SLC5A11: variants seen among roughly 807,000 people sequenced by gnomAD.
The protein encoded by SLC5A11 is solute carrier family 5 member 11, also known as sodium/myo-inositol cotransporter 2.
Under a neutral mutation model 69.8 loss-of-function variants are expected in SLC5A11, and 48 were observed. That is an observed-to-expected ratio of 0.69 (90% confidence interval 0.55 to 0.87). The LOEUF is 0.87. SLC5A11 is among the 40% of genes least tolerant of loss of function. The pLI is 0.00. For synonymous variants in SLC5A11, 319 were observed against 342.4 expected, an observed-to-expected ratio of 0.93 and a Z score of 0.75; for missense variants, 784 against 866.1, an observed-to-expected ratio of 0.91 and a Z score of 1.19.
intron 1 of SLC5A11, among the ~76,000 whole-genome samples, chr16:24,847,385 C>G (rs2059074415): frequency 6.7e-6 from 1 of 148,540 alleles, no homozygotes; most frequent in Non-Finnish European, 1.5e-5. Context: ...TCTTTGCCTC[C>G]TCTCTCTCTC....
chr16:24,887,706 G>C lies in SLC5A11; in HGVS notation c.665-3163G>C, dbSNP rs141408083. Reference sequence around the variant, plus strand: ...GGCTTCTTATAAGCAGTTACAATCTGTGTGGCTGTTTGTTCTGTTTTTCTC... The same window carrying C: ...GGCTTCTTATAAGCAGTTACAATCTCTGTGGCTGTTTGTTCTGTTTTTCTC... On this transcript the variant is annotated intron_variant, in intron 8 of 15. Transcript: ENST00000347898. Among the ~76,000 whole-genome samples the C allele has an allele frequency of 4.3e-3, 657 of 152,210 alleles. 2 individuals are homozygous for C. Among genetic ancestry groups the C allele is most frequent in the African/African-American group, 0.015 (625 of 41,560 alleles).
intron 4 of SLC5A11, 53 bp downstream of exon 5, chr16:24,870,058 GATCTC>G: frequency 1.9e-5 from 24 of 1,288,734 alleles, no homozygotes; most frequent in Non-Finnish European, 2.4e-5. Flanking sequence ...CTAACAGGTA[GATCTC>G]AGGGGAAAGT....
chr16:24,860,124 A>G lies in SLC5A11; in HGVS notation c.135+1346A>G, dbSNP rs1421159883. Among the ~76,000 whole-genome samples the G allele has an allele frequency of 2.0e-5, 3 of 152,172 alleles. No individual in the cohort carries two copies. In the East Asian group the frequency reaches 5.8e-4, roughly 29 times the overall value. On this transcript the variant is annotated intron_variant, in intron 2 of 15. Transcript: ENST00000347898. Reference sequence around the variant, plus strand: ...AATGTGGTGAAACCCCATCACTATTAAAAATACAAAAAATTAGCCAGGTGT... The same window carrying G: ...AATGTGGTGAAACCCCATCACTATTGAAAATACAAAAAATTAGCCAGGTGT...
chr16:24,903,867 T>G (rs1257356839), intron 10 of SLC5A11, among the ~76,000 whole-genome samples: 1 of 152,208 alleles, frequency 6.6e-6, no homozygotes, highest in African/African-American at 2.4e-5. Context: ...TTGCTTTGGA[T>G]ATGTATTAAT....
exon 5 of SLC5A11, chr16:24,872,191 T>A: frequency 6.2e-7 from 1 of 1,614,182 alleles, no homozygotes; most frequent in Non-Finnish European, 8.5e-7. Context: ...TTGGCCTGGA[T>A]CTTCCTACCC....
exon 8 of SLC5A11, chr16:24,884,072 A>G (rs753735103): frequency 1.9e-6 from 3 of 1,613,974 alleles, no homozygotes; most frequent in South Asian, 2.2e-5. Context: ...GCTGTGATCT[A>G]CACGGATGCC....
chr16:24,862,950 C>T (rs11646263), intron 3 of SLC5A11, among the ~76,000 whole-genome samples: 4 of 130,782 alleles, frequency 3.1e-5, no homozygotes, highest in Non-Finnish European at 6.5e-5. Context: ...AAATATATAA[C>T]ATATAATTAT....
At chr16:24,905,640 G>GCGCGCGCGCACACA (rs1443035551) in intron 10 of SLC5A11, among the ~76,000 whole-genome samples, 17 of 136,778 alleles carry the variant, frequency 1.2e-4, no homozygotes, top group Non-Finnish European at 2.5e-4. Flanking sequence ...GCGCGCGCGC[G>GCGCGCGCGCACACA]CACACACACA....
At chr16:24,865,816 A>G (rs2046881840) in intron 3 of SLC5A11, among the ~76,000 whole-genome samples, 1 of 152,064 alleles carries the variant, frequency 6.6e-6, no homozygotes, top group Non-Finnish European at 1.5e-5. Context: ...ACTTGAGTCT[A>G]CATGAAAAAA....
intron 2 of SLC5A11, 89 bp downstream of exon 3, chr16:24,858,867 A>T: frequency 6.9e-7 from 1 of 1,452,926 alleles, no homozygotes. Flanking sequence ...TTTGGAGCTA[A>T]GATACTGACT....
intron 10 of SLC5A11, among the ~76,000 whole-genome samples, chr16:24,904,564 G>A (rs76379431): frequency 0.052 from 7,913 of 152,028 alleles, 719 homozygotes; most frequent in African/African-American, 0.18. Flanking sequence ...TCCACTAGAA[G>A]GTTGAGAACC....
intron 5 of SLC5A11, among the ~76,000 whole-genome samples, chr16:24,874,935 T>A (rs1180375687): frequency 1.3e-5 from 2 of 152,124 alleles, no homozygotes; most frequent in Non-Finnish European, 2.9e-5. Context: ...CCATTTGGAT[T>A]TCCTCTTTGA....
chr16:24,869,512 G>A (rs1367369761), intron 3 of SLC5A11, among the ~76,000 whole-genome samples: 2 of 152,076 alleles, frequency 1.3e-5, no homozygotes, highest in African/African-American at 4.8e-5. Context: ...CAGATCTGGG[G>A]GAGTAACACA....
chr16:24,854,533 G>A (rs895951447), intron 1 of SLC5A11, among the ~76,000 whole-genome samples: 8 of 151,862 alleles, frequency 5.3e-5, no homozygotes, highest in East Asian at 1.9e-4. Context: ...GGGTTCAAGC[G>A]ATCTTTCTGC....
At chr16:24,880,300 G>A (rs541368453) in intron 7 of SLC5A11, among the ~76,000 whole-genome samples, 49 of 152,256 alleles carry the variant, frequency 3.2e-4, no homozygotes, top group African/African-American at 1.1e-3. Flanking sequence ...TGATGGAGCC[G>A]GAGAGAAAGA....
chr16:24,870,075 G>T, intron 4 of SLC5A11, 70 bp downstream of exon 5: 2 of 1,096,018 alleles, frequency 1.8e-6, no homozygotes, highest in Non-Finnish European at 1.4e-6. Flanking sequence ...GGGGAAAGTT[G>T]TGTGAATGCC....
intron 5 of SLC5A11, among the ~76,000 whole-genome samples, chr16:24,874,581 CAG>C (rs2047547262): frequency 6.6e-6 from 1 of 152,184 alleles, no homozygotes; most frequent in African/African-American, 2.4e-5. Context: ...TTTTTTGAGA[CAG>C]AGTCTTGCTC....
At chr16:24,852,303 T>G (rs1249270553) in intron 1 of SLC5A11, among the ~76,000 whole-genome samples, 1 of 152,186 alleles carries the variant, frequency 6.6e-6, no homozygotes. Context: ...GATCTTTTCC[T>G]TGCACTGGGG....
chr16:24,908,960 G>A lies in SLC5A11; in HGVS notation c.1514G>A (p.Arg505Gln), dbSNP rs373228519. The change falls in exon 14 of 16, where the codon CGA becomes CAA. Residue 505 changes from arginine (R) to glutamine (Q), a missense_variant. Physicochemically the swap from Arg to Gln is conservative, Grantham distance 43. This residue lies in a region of SLC5A11 where 550 missense variants were observed against 606.4 expected (regional missense o/e 0.91). Coordinates refer to ENST00000347898, the Ensembl canonical transcript of SLC5A11. ...CTGGACTTTATTTACGTGCAGCCTC[G>A]ATGCGACCAGCCAGATGAGCGCCCG... is the stretch of plus-strand genomic sequence containing the variant. The A allele has an allele frequency of 3.4e-5, 55 of 1,613,884 alleles. No individual in the cohort carries two copies. The highest frequency in any genetic ancestry group is 9.4e-5 in the African/African-American group (7 of 74,844).
Sources: allele counts gnomAD v4.1 joint callset (sites outside exome capture counted in the v4.1 genomes callset), GRCh38; gene constraint gnomAD v4.1.1; regional missense constraint gnomAD v4.1.1; transcripts MANE v1.5; gene names NCBI Gene and HGNC (gene_info 2026-07-23, HGNC 2026-07-21).